ITSN2: variants seen among roughly 807,000 people sequenced by gnomAD.
ITSN2 encodes intersectin-2.
In ITSN2, 156 loss-of-function variants were observed where a neutral mutation model predicts 243.7. That is an observed-to-expected ratio of 0.64 (90% confidence interval 0.56 to 0.73). The LOEUF (loss-of-function observed/expected upper bound fraction) is 0.73, where lower values mean the gene tolerates loss of function less well. ITSN2 is among the 30% of genes least tolerant of loss of function. The probability of loss-of-function intolerance (pLI) is 0.00; values close to 1 mark genes in which losing one functional copy is unlikely to be tolerated. For missense variants in ITSN2, 1,801 were observed against 1,996.1 expected, an observed-to-expected ratio of 0.90 and a Z score of 1.86; for synonymous variants, 703 against 699.9, an observed-to-expected ratio of 1.00 and a Z score of -0.07.
In ITSN2 at chr2:24,261,755, AAAG is replaced by A. The variant is rs774845669; in HGVS notation, c.2356-16_2356-14del. On this transcript the variant is annotated splice_polypyrimidine_tract_variant and intron_variant, in intron 20 of 39. Transcript: ENST00000355123. Reference sequence around the variant, plus strand: ...TTTTTTCATCAACCTACGGAAATAAAAAGAAGGATTAACAGTGCTTAGAAATTC... The same window carrying A: ...TTTTTTCATCAACCTACGGAAATAAAAAGGATTAACAGTGCTTAGAAATTC... 1.5e-5 allele frequency: 24 copies of A among 1,601,050 alleles called. No individual in the cohort carries two copies. In the East Asian group the frequency reaches 2.0e-4, roughly 13 times the overall value.
At chr2:24,220,188 G>C (rs1670311859) in intron 30 of ITSN2, 1 of 273,410 alleles carries the variant, frequency 3.7e-6, no homozygotes, top group African/African-American at 2.3e-5. Flanking sequence ...GGCATGGCCA[G>C]GTATACGCTG....
At chr2:24,318,102 C>T (rs1015410125) in intron 2 of ITSN2, among the ~76,000 whole-genome samples, 1 of 152,174 alleles carries the variant, frequency 6.6e-6, no homozygotes, top group Non-Finnish European at 1.5e-5. Context: ...AATCAGCCCA[C>T]GATGCCCACA....
intron 32 of ITSN2, among the ~76,000 whole-genome samples, chr2:24,215,796 ATAAG>A (rs1295622371): frequency 1.3e-5 from 2 of 152,206 alleles, no homozygotes; most frequent in African/African-American, 4.8e-5. Flanking sequence ...AAAGTAGCTG[ATAAG>A]TAAGTATGCT....
intron 9 of ITSN2, among the ~76,000 whole-genome samples, chr2:24,302,347 C>T (rs926748493): frequency 6.6e-6 from 1 of 151,878 alleles, no homozygotes; most frequent in African/African-American, 2.4e-5. Context: ...TACAGGCGCC[C>T]GCCACCACGC....
chr2:24,290,216 T>C (rs185143528), intron 15 of ITSN2, among the ~76,000 whole-genome samples: 12 of 152,304 alleles, frequency 7.9e-5, no homozygotes, highest in South Asian at 2.1e-4. Flanking sequence ...CTCATCTATA[T>C]TGGATATTAT....
At chr2:24,298,943 G>A (rs900413536) in intron 12 of ITSN2, 129 bp from the exon 13 acceptor site, 1 of 668,510 alleles carries the variant, frequency 1.5e-6, no homozygotes. Context: ...AGGGTAGCTA[G>A]GCAAATCTAG....
intron 1 of ITSN2, chr2:24,334,574 C>T: frequency 1.0e-6 from 1 of 983,604 alleles, no homozygotes; most frequent in Non-Finnish European, 1.6e-6. Flanking sequence ...ACCAACCCTG[C>T]AAAGTGACAC....
At chr2:24,323,991 G>A (rs1335666098) in intron 2 of ITSN2, among the ~76,000 whole-genome samples, 1 of 152,174 alleles carries the variant, frequency 6.6e-6, no homozygotes, top group African/African-American at 2.4e-5. Flanking sequence ...CCAGCACTTT[G>A]GGAGGCCAAG....
At chr2:24,208,542 A>G (rs914388674) in intron 36 of ITSN2, among the ~76,000 whole-genome samples, 2 of 152,204 alleles carry the variant, frequency 1.3e-5, no homozygotes, top group African/African-American at 4.8e-5. Flanking sequence ...GGCACTCGCA[A>G]GGCGCTGGGA....
chr2:24,304,308 A>G (rs1280440737), intron 8 of ITSN2, among the ~76,000 whole-genome samples: 1 of 152,162 alleles, frequency 6.6e-6, no homozygotes, highest in Non-Finnish European at 1.5e-5. Context: ...ACTCTTACAC[A>G]AGAGATTACA....
intron 29 of ITSN2, among the ~76,000 whole-genome samples, chr2:24,222,500 T>C (rs1417322099): frequency 2.0e-5 from 3 of 151,992 alleles, no homozygotes; most frequent in Admixed American, 6.6e-5. Context: ...CTGTCCAACC[T>C]CGGACAAGTG....
chr2:24,217,402 G>T (rs1006916359), intron 31 of ITSN2, among the ~76,000 whole-genome samples: 1 of 152,190 alleles, frequency 6.6e-6, no homozygotes, highest in Non-Finnish European at 1.5e-5. Flanking sequence ...AAAGGGAGCA[G>T]GAGCTGCAGG....
chr2:24,303,270 T>C (rs571722124), intron 9 of ITSN2, among the ~76,000 whole-genome samples: 4 of 152,298 alleles, frequency 2.6e-5, no homozygotes, highest in East Asian at 1.9e-4. Context: ...ATGCGTGTTA[T>C]TGCCCCGAAC....
chr2:24,238,948 T>C (rs1282181504), intron 29 of ITSN2: 1 of 152,246 alleles, frequency 6.6e-6, no homozygotes, highest in Non-Finnish European at 1.5e-5. Context: ...TTTGTGTTCT[T>C]TTAATAAACA....
In ITSN2 at chr2:24,212,728, C is replaced by A. The variant is rs777200970; in HGVS notation, c.4011G>T (p.Arg1337=). The change falls in exon 33 of 40, where the codon CGG becomes CGT. Residue 1337 remains arginine (R), a synonymous_variant. Coordinates refer to ENST00000355123, the MANE Select transcript of ITSN2 (RefSeq NM_006277.3). ...AGCTGGAGAGGGGCATTCCTTTACA[C>A]CGCGGGTCAGATGCCAGCTTCTGCA... ...EFLKKLASDP[R]CKGMPLSSFL... 2 of 1,614,176 alleles carry A rather than the reference C, an allele frequency of 1.2e-6. No homozygotes were observed. Among genetic ancestry groups the A allele is most frequent in the Non-Finnish European group, 1.7e-6 (2 of 1,180,018 alleles).
chr2:24,233,156 T>A (rs1040079896), intron 29 of ITSN2, among the ~76,000 whole-genome samples: 5 of 152,212 alleles, frequency 3.3e-5, no homozygotes, highest in Admixed American at 3.3e-4. Flanking sequence ...ACGGGTTTCA[T>A]ATGCACATAT....
In ITSN2 at chr2:24,229,023, G is replaced by T. The variant is rs565062334; in HGVS notation, c.3578-7957C>A. On this transcript the variant is annotated intron_variant, in intron 29 of 39. Coordinates refer to ENST00000355123, the MANE Select transcript of ITSN2 (RefSeq NM_006277.3). ...TGGTAGAAACATTCACCAGGAAGAA[G>T]AATAATTCTGATCTTATTTGCAACT... Among the ~76,000 whole-genome samples, 8 of 151,668 alleles carry T rather than the reference G, an allele frequency of 5.3e-5. No homozygotes were observed. The South Asian group carries it at 6.2e-4, about 12-fold the overall frequency.
At chr2:24,340,022 T>G (rs1686868699) in intron 1 of ITSN2, among the ~76,000 whole-genome samples, 1 of 151,378 alleles carries the variant, frequency 6.6e-6, no homozygotes, top group African/African-American at 2.4e-5. Flanking sequence ...GGTAACAAAG[T>G]GAGACAGTGT....
In ITSN2 at chr2:24,205,297, G is replaced by T; in HGVS notation, c.4679C>A (p.Ala1560Asp). Residue 1560 changes from alanine (A) to aspartate (D), a missense_variant and splice_region_variant, in exon 38 of 40, where the codon GCC (alanine) becomes GAC (aspartate). Transcript: ENST00000355123. Reference sequence around the variant, plus strand: ...AATGCCTGAAGTCTTTTGGGAGCGGGCTACAAAAGAGGAAGACAAGTCTCA... The same window carrying T: ...AATGCCTGAAGTCTTTTGGGAGCGGTCTACAAAAGAGGAAGACAAGTCTCA... Reference protein sequence around the residue: ...EKKKREKAYQARSQKTSGIGR... With the variant: ...EKKKREKAYQDRSQKTSGIGR... The T allele has an allele frequency of 6.2e-7, 1 of 1,612,862 alleles. No homozygotes were observed. The highest frequency in any genetic ancestry group is 8.5e-7 in the Non-Finnish European group (1 of 1,178,934).
Sources: gnomAD v4.1 joint callset for allele counts (sites outside exome capture counted in the v4.1 genomes callset) on GRCh38, gnomAD v4.1.1 for gene constraint, MANE v1.5 for transcripts, NCBI Gene and HGNC (gene_info 2026-07-23, HGNC 2026-07-21) for gene names.